The following GULP1 variants were observed in gnomAD, a reference collection of about 807,000 sequenced individuals.
GULP1 encodes the protein PTB domain-containing engulfment adapter protein 1.
A neutral mutation model predicts 40.9 loss-of-function variants in GULP1; 19 were observed. The ratio of observed to expected loss-of-function variants is 0.46; its 90% CI spans 0.32 to 0.68. GULP1 has a LOEUF of 0.68. GULP1 is among the 30% of genes least tolerant of loss of function. GULP1 has a pLI of 0.03. For synonymous variants in GULP1, 119 were observed against 117.6 expected (o/e 1.01, Z -0.08); for missense variants, 312 against 362.2 (o/e 0.86, Z 1.12).
At chr2:188,356,495 A>G (rs1316404488) in intron 1 of GULP1, among the ~76,000 whole-genome samples, 2 of 152,118 alleles carry the variant, frequency 1.3e-5, no homozygotes, top group Non-Finnish European at 2.9e-5. Flanking sequence ...AAATATTTCT[A>G]CAAGAAAAAC....
intron 2 of GULP1, among the ~76,000 whole-genome samples, chr2:188,419,294 C>A (rs1418136765): frequency 6.6e-6 from 1 of 151,948 alleles, no homozygotes; most frequent in Non-Finnish European, 1.5e-5. Context: ...TCCGTAATGG[C>A]TGCACCATTT....
chr2:188,495,985 T>C (rs1292611451), intron 4 of GULP1, among the ~76,000 whole-genome samples: 1 of 152,000 alleles, frequency 6.6e-6, no homozygotes, highest in East Asian at 1.9e-4. Context: ...CATTATGAAA[T>C]TGTAGAACCA....
intron 6 of GULP1, among the ~76,000 whole-genome samples, chr2:188,535,495 C>T (rs925992910): frequency 1.3e-5 from 2 of 151,946 alleles, no homozygotes; most frequent in Admixed American, 1.3e-4. Context: ...CAGCAGTATC[C>T]ATTTTCTGGA....
At chr2:188,458,485 G>A (rs943437561) in intron 2 of GULP1, among the ~76,000 whole-genome samples, 1 of 151,892 alleles carries the variant, frequency 6.6e-6, no homozygotes, top group Admixed American at 6.6e-5. Flanking sequence ...CCTATCCTCT[G>A]AAAATACAAT....
intron 2 of GULP1, among the ~76,000 whole-genome samples, chr2:188,447,323 G>T (rs2058475932): frequency 1.3e-5 from 2 of 152,118 alleles, no homozygotes; most frequent in South Asian, 4.1e-4. Flanking sequence ...GTATAATGAG[G>T]CATGTCCATC....
intron 2 of GULP1, among the ~76,000 whole-genome samples, chr2:188,463,570 C>T (rs371082317): frequency 4.6e-5 from 7 of 152,100 alleles, no homozygotes; most frequent in East Asian, 1.9e-4. Flanking sequence ...TTAGGAAGTT[C>T]GCTGTTATTA....
chr2:188,298,330 A>G (rs2035430607), intron 1 of GULP1, among the ~76,000 whole-genome samples: 1 of 133,218 alleles, frequency 7.5e-6, no homozygotes, highest in African/African-American at 2.5e-5. Flanking sequence ...TTTCAAAGCA[A>G]TTTATCTCTA....
intron 1 of GULP1, among the ~76,000 whole-genome samples, chr2:188,315,614 A>C (rs1370103204): frequency 2.0e-5 from 3 of 152,144 alleles, no homozygotes; most frequent in African/African-American, 7.2e-5. Context: ...TAATGAATAC[A>C]GTAGGCCCCC....
At chr2:188,462,353 T>G (rs1285032215) in intron 2 of GULP1, among the ~76,000 whole-genome samples, 1 of 152,236 alleles carries the variant, frequency 6.6e-6, no homozygotes, top group Admixed American at 6.5e-5. Context: ...ATATGGTCTA[T>G]CCTTAAGAAT....
intron 1 of GULP1, among the ~76,000 whole-genome samples, chr2:188,338,453 T>G (rs769282567): frequency 6.6e-6 from 1 of 151,688 alleles, no homozygotes; most frequent in Non-Finnish European, 1.5e-5. Flanking sequence ...TACAAGTGCA[T>G]CCCACCACAC....
At chr2:188,326,654 A>G (rs1375923110) in intron 1 of GULP1, among the ~76,000 whole-genome samples, 1 of 152,146 alleles carries the variant, frequency 6.6e-6, no homozygotes, top group African/African-American at 2.4e-5. Context: ...AATTCATTGA[A>G]CACTTGATAT....
intron 7 of GULP1, among the ~76,000 whole-genome samples, chr2:188,561,432 A>G (rs1054601639): frequency 3.9e-5 from 6 of 152,186 alleles, no homozygotes; most frequent in African/African-American, 1.2e-4. Flanking sequence ...GGGCTGGGTG[A>G]GCCAGTCTTC....
intron 2 of GULP1, among the ~76,000 whole-genome samples, chr2:188,411,443 A>G (rs1317879561): frequency 6.6e-6 from 1 of 152,062 alleles, no homozygotes; most frequent in Non-Finnish European, 1.5e-5. Flanking sequence ...CCTAACCTCC[A>G]TCCCTGCCAT....
intron 2 of GULP1, among the ~76,000 whole-genome samples, chr2:188,434,329 T>TC (rs1408765777): frequency 6.6e-6 from 1 of 150,728 alleles, no homozygotes; most frequent in African/African-American, 2.4e-5. Context: ...TTCTTTTTCT[T>TC]TTTTTTTTAA....
chr2:188,465,900 A>G (rs2060070647), intron 2 of GULP1, among the ~76,000 whole-genome samples: 1 of 151,972 alleles, frequency 6.6e-6, no homozygotes, highest in Non-Finnish European at 1.5e-5. Context: ...TTTCCGTGGT[A>G]TGAAGGTAAA....
At chr2:188,430,218 A>G (rs1404424102) in intron 2 of GULP1, among the ~76,000 whole-genome samples, 1 of 152,234 alleles carries the variant, frequency 6.6e-6, no homozygotes, top group Non-Finnish European at 1.5e-5. Context: ...GATAATAAAA[A>G]GAGCTCAAAA....
Position 188,550,911 on chromosome 2 carries a change from AT to A in GULP1, c.399+9596del, listed in dbSNP as rs1452153882. On this transcript the variant is annotated intron_variant, in intron 7 of 11. Transcript: ENST00000409830. Reference sequence around the variant, plus strand: ...ATCTGGAAGCTTATTGTTGCTGAGTATTTCCTGCCAATACCAATTTTCATGT... The same window carrying A: ...ATCTGGAAGCTTATTGTTGCTGAGTATTCCTGCCAATACCAATTTTCATGT... Among the ~76,000 whole-genome samples the A allele has an allele frequency of 1.4e-3, 210 of 151,634 alleles. 3 individuals carry two copies. The highest frequency in any genetic ancestry group is 2.5e-4 in the Non-Finnish European group (17 of 67,588).
chr2:188,466,578 G>GT (rs1004680289), intron 2 of GULP1: 2 of 151,656 alleles, frequency 1.3e-5, no homozygotes, highest in South Asian at 4.2e-4. Context: ...GGTGATGGCT[G>GT]TTTTTTATCT....
intron 4 of GULP1, among the ~76,000 whole-genome samples, chr2:188,510,178 T>C (rs1306784514): frequency 6.6e-6 from 1 of 152,114 alleles, no homozygotes. Flanking sequence ...ATATATTTAG[T>C]GTTCAGGCAC....
Sources: allele counts gnomAD v4.1 joint callset (sites outside exome capture counted in the v4.1 genomes callset), GRCh38; gene constraint gnomAD v4.1.1; transcripts MANE v1.5; gene names NCBI Gene and HGNC (gene_info 2026-07-23, HGNC 2026-07-21).